The following TNFAIP6 variants were observed in gnomAD, a reference collection of about 807,000 sequenced individuals.
The protein encoded by TNFAIP6 is TNF alpha induced protein 6.
Under a neutral mutation model 33.7 loss-of-function variants are expected in TNFAIP6, and 36 were observed. The ratio of observed to expected loss-of-function variants is 1.07; its 90% CI spans 0.82 to 1.41. The LOEUF is 1.41. Among genes scored for constraint, TNFAIP6 ranks in the 40% most tolerant of loss-of-function variants. TNFAIP6 has a pLI of 0.00. For missense variants in TNFAIP6, 273 were observed against 331.9 expected (o/e 0.82, Z 1.38); for synonymous variants, 113 against 112.8 (o/e 1.00, Z -0.01).
intron 5 of TNFAIP6, among the ~76,000 whole-genome samples, chr2:151,376,864 T>C (rs1259268976): frequency 7.8e-6 from 1 of 128,076 alleles, no homozygotes; most frequent in South Asian, 2.8e-4. Context: ...CTTTTTCTTT[T>C]CTTTTTTTTT....
chr2:151,378,993 G>C (rs1322881855), intron 5 of TNFAIP6, among the ~76,000 whole-genome samples: 1 of 151,932 alleles, frequency 6.6e-6, no homozygotes. Flanking sequence ...CCAGCTACTC[G>C]GGAGGCTGAG....
intron 3 of TNFAIP6, among the ~76,000 whole-genome samples, chr2:151,367,878 C>T (rs1256892051): frequency 6.6e-6 from 1 of 151,674 alleles, no homozygotes; most frequent in Non-Finnish European, 1.5e-5. Context: ...ATAATGGCTT[C>T]ACAAAAATAA....
intron 4 of TNFAIP6, among the ~76,000 whole-genome samples, chr2:151,371,413 T>G (rs1684813026): frequency 6.6e-6 from 1 of 152,124 alleles, no homozygotes; most frequent in Non-Finnish European, 1.5e-5. Flanking sequence ...TGATAGTAAT[T>G]TAATGGGGAA....
chr2:151,368,074 T>C (rs963984703), intron 3 of TNFAIP6, among the ~76,000 whole-genome samples: 1 of 152,056 alleles, frequency 6.6e-6, no homozygotes, highest in African/African-American at 2.4e-5. Flanking sequence ...TTGGATGCTA[T>C]GGGATGGAAC....
Position 151,357,768 on chromosome 2 carries a change from C to T in TNFAIP6, c.94+8C>T. The T allele has an allele frequency of 6.5e-7, 1 of 1,543,584 alleles. No individual in the cohort carries two copies. Among genetic ancestry groups the T allele is most frequent in the Non-Finnish European group, 9.0e-7 (1 of 1,116,434 alleles). The stretch of plus-strand genomic sequence containing the variant: ...ATAACTCCATATGGCTTGGTAAGAA[C>T]CTTCACTCATGAGCCTCTTGTTGAG... On this transcript the variant is annotated splice_region_variant and intron_variant, in intron 1 of 5. Coordinates refer to ENST00000243347, the MANE Select transcript of TNFAIP6 (RefSeq NM_007115.4).
At chr2:151,364,594 G>A (rs35035485) in intron 2 of TNFAIP6, among the ~76,000 whole-genome samples, 22 of 152,254 alleles carry the variant, frequency 1.4e-4, no homozygotes, top group Non-Finnish European at 2.6e-4. Flanking sequence ...CAGGAAGGTC[G>A]TGAGATAGAA....
chr2:151,370,050 C>G lies in TNFAIP6; in HGVS notation c.425C>G (p.Pro142Arg). 1 of 1,613,752 alleles carries G rather than the reference C, an allele frequency of 6.2e-7. No homozygotes were observed. The highest frequency in any genetic ancestry group is 8.5e-7 in the Non-Finnish European group (1 of 1,179,930). The change falls in exon 4 of 6, where the codon CCA becomes CGA. Residue 142 changes from proline to arginine, a missense_variant. By Grantham distance (103) the Pro-to-Arg change is moderately radical (BLOSUM62 -2). Coordinates refer to ENST00000243347, the MANE Select transcript of TNFAIP6 (RefSeq NM_007115.4). ...AKECGGVFTD[P>R]KQIFKSPGFP... ...GAGTGTGGTGGCGTCTTTACAGATCCAAAGCAAATTTTTAAATCTCCAGGC... is the reference window on the plus strand; with the variant it reads ...GAGTGTGGTGGCGTCTTTACAGATCGAAAGCAAATTTTTAAATCTCCAGGC...
At position 151,370,022 on chromosome 2, in the gene TNFAIP6, A is replaced by G. The variant is rs1558900019; in HGVS notation, c.397A>G (p.Lys133Glu). Reference sequence around the variant, plus strand: ...CGTTTTTTTTCTTCTCATTTCAGCAAAGGAGTGTGGTGGCGTCTTTACAGA... The same window carrying G: ...CGTTTTTTTTCTTCTCATTTCAGCAGAGGAGTGTGGTGGCGTCTTTACAGA... The part of the protein sequence containing the change: ...WDAYCYNPHA[K>E]ECGGVFTDPK... The change falls in exon 4 of 6, where the codon AAG (lysine) becomes GAG (glutamate). Residue 133 changes from lysine (K) to glutamate (E), a missense_variant and splice_region_variant. Coordinates refer to ENST00000243347, the MANE Select transcript of TNFAIP6 (RefSeq NM_007115.4). 1.9e-6 allele frequency: 3 copies of G among 1,604,638 alleles called. No homozygotes were observed. The African/African-American group carries it at 4.0e-5, about 22-fold the overall frequency.
chr2:151,367,192 A>G (rs1265578088), intron 3 of TNFAIP6, among the ~76,000 whole-genome samples: 4 of 152,158 alleles, frequency 2.6e-5, no homozygotes, highest in Non-Finnish European at 2.9e-5. Context: ...CCTATATCTC[A>G]AAATTATGTG....
chr2:151,371,280 G>A (rs1226691786), intron 4 of TNFAIP6, among the ~76,000 whole-genome samples: 1 of 151,956 alleles, frequency 6.6e-6, no homozygotes. Context: ...AGTGTCTTAT[G>A]ATATATTGCA....
chr2:151,376,418 CAAAA>C (rs34551708), intron 5 of TNFAIP6, among the ~76,000 whole-genome samples: 25 of 114,862 alleles, frequency 2.2e-4, no homozygotes, highest in East Asian at 2.6e-4. Context: ...TATTCTGTCT[CAAAA>C]AAAAAAAAAA....
chr2:151,379,654 T>C lies in TNFAIP6; in HGVS notation c.*121T>C, dbSNP rs1684980778. 1.2e-6 allele frequency: 1 copy of C among 801,018 alleles called. No individual in the cohort carries two copies. The highest frequency in any genetic ancestry group is 1.8e-5 in the African/African-American group (1 of 55,488). 49.6% of individuals were successfully genotyped at this position (801,018 alleles called of 1,614,324 possible). A position where few individuals can be genotyped will look rare whatever the true frequency, so the allele number is the denominator to read the frequency against. On this transcript the variant is annotated 3_prime_UTR_variant, in exon 6 of 6. Coordinates refer to ENST00000243347, the MANE Select transcript of TNFAIP6 (RefSeq NM_007115.4). ...TTTTTCTAAATGTGAAAGCAATACA[T>C]AATTTAGGGAAAATTGGAAAATATA...
chr2:151,365,547 G>A (rs565026932), intron 2 of TNFAIP6, among the ~76,000 whole-genome samples: 108 of 152,144 alleles, frequency 7.1e-4, no homozygotes, highest in Admixed American at 1.6e-3. Context: ...GCTGAGGCAG[G>A]AGAATTGCTT....
chr2:151,369,046 A>G (rs922031908), intron 3 of TNFAIP6, among the ~76,000 whole-genome samples: 3 of 152,170 alleles, frequency 2.0e-5, no homozygotes, highest in African/African-American at 7.2e-5. Flanking sequence ...TACAAAAATT[A>G]GCCAGACGTG....
intron 5 of TNFAIP6, 23 bp downstream of exon 5, chr2:151,373,612 A>G: frequency 6.9e-7 from 1 of 1,447,806 alleles, no homozygotes; most frequent in Admixed American, 2.0e-5. Context: ...ATTGAGGACC[A>G]AAACTATGAT....
At chr2:151,376,870 T>G (rs974361029) in intron 5 of TNFAIP6, among the ~76,000 whole-genome samples, 2 of 140,240 alleles carry the variant, frequency 1.4e-5, no homozygotes, top group Admixed American at 1.4e-4. Flanking sequence ...CTTTTCTTTT[T>G]TTTTTTTTTT....
intron 5 of TNFAIP6, among the ~76,000 whole-genome samples, chr2:151,376,968 C>G (rs971096585): frequency 1.3e-5 from 2 of 148,330 alleles, no homozygotes; most frequent in African/African-American, 5.0e-5. Flanking sequence ...CCTCAAACTC[C>G]TAGGCTCAAG....
intron 2 of TNFAIP6, among the ~76,000 whole-genome samples, chr2:151,364,481 G>A (rs1336510388): frequency 6.6e-6 from 1 of 152,106 alleles, no homozygotes; most frequent in African/African-American, 2.4e-5. Flanking sequence ...AATTTACTTG[G>A]TAGAGAAATA....
chr2:151,362,265 C>A (rs1166719847), intron 1 of TNFAIP6, among the ~76,000 whole-genome samples: 1 of 152,068 alleles, frequency 6.6e-6, no homozygotes, highest in Non-Finnish European at 1.5e-5. Flanking sequence ...TATTGGAAGA[C>A]AACTCATGTA....
Sources: gnomAD v4.1 joint callset for allele counts (sites outside exome capture counted in the v4.1 genomes callset) on GRCh38, gnomAD v4.1.1 for gene constraint, MANE v1.5 for transcripts, NCBI Gene and HGNC (gene_info 2026-07-23, HGNC 2026-07-21) for gene names.